Variants in ASTN2 observed in about 807,000 individuals in gnomAD.
ASTN2 encodes the protein astrotactin 2.
In ASTN2, 54 loss-of-function variants were observed where a neutral mutation model predicts 139.8. The ratio of observed to expected loss-of-function variants is 0.39; its 90% CI spans 0.31 to 0.48. The LOEUF is 0.48. Among genes scored for constraint, ASTN2 ranks in the 20% least tolerant of loss-of-function variants. The pLI, the probability that ASTN2 is intolerant of heterozygous loss-of-function variation, is 0.95. For synonymous variants in ASTN2, 756 were observed against 719.5 expected (o/e 1.05, Z -0.81); for missense variants, 1,565 against 1,725.1 (o/e 0.91, Z 1.64).
intron 7 of ASTN2, among the ~76,000 whole-genome samples, chr9:117,004,643 C>G (rs1450147789): frequency 6.6e-6 from 1 of 152,144 alleles, no homozygotes; most frequent in East Asian, 1.9e-4. Flanking sequence ...CTACACTGAG[C>G]ACTGAGACCT....
chr9:116,976,913 G>A (rs778309300), intron 7 of ASTN2, 128 bp from the exon 8 acceptor site: 1 of 728,286 alleles, frequency 1.4e-6, no homozygotes, highest in Non-Finnish European at 2.3e-6. Flanking sequence ...TGGAAAGAGG[G>A]TAATCTTGTC....
chr9:116,437,205 AT>A lies in ASTN2; in HGVS notation c.3782+3403del, dbSNP rs565750874. 2,940 of 389,962 alleles carry A rather than the reference AT, an allele frequency of 7.5e-3. 34 individuals are homozygous for A. The highest frequency in any genetic ancestry group is 0.011 in the Non-Finnish European group (2,152 of 194,000). 24.2% of individuals were successfully genotyped at this position (389,962 alleles called of 1,614,324 possible). A position where few individuals can be genotyped will look rare whatever the true frequency, so the allele number is the denominator to read the frequency against. ...TAAAACTTAAAGTATAATAATAATA[AT>A]AAAAAATACCACTGTTCTAGTTCGT... is the stretch of plus-strand genomic sequence containing the variant. On this transcript the variant is annotated intron_variant, in intron 22 of 22. Coordinates refer to ENST00000313400, the MANE Select transcript of ASTN2 (RefSeq NM_001365068.1).
Position 116,956,434 on chromosome 9 carries a change from T to C in ASTN2, c.1889+18774A>G, listed in dbSNP as rs1835710136. ...AACTCTTGGGGCAGGCCTTTTTTCA[T>C]ATATATTATATATAATATATATGAA... On this transcript the variant is annotated intron_variant, in intron 10 of 22. Transcript: ENST00000313400. Among the ~76,000 whole-genome samples, 4 of 147,794 alleles carry C rather than the reference T, an allele frequency of 2.7e-5. No homozygotes were observed. The South Asian group carries it at 8.4e-4, about 31-fold the overall frequency.
chr9:116,944,740 G>GT (rs1310215365), intron 10 of ASTN2, among the ~76,000 whole-genome samples: 1 of 148,676 alleles, frequency 6.7e-6, no homozygotes, highest in Non-Finnish European at 1.5e-5. Context: ...AGTAGGGTAT[G>GT]TTTGGGAAGC....
At chr9:117,204,595 A>T (rs917396608) in intron 3 of ASTN2, among the ~76,000 whole-genome samples, 4 of 152,184 alleles carry the variant, frequency 2.6e-5, no homozygotes, top group Admixed American at 6.5e-5. Flanking sequence ...CAGCTTTAAG[A>T]GCTGGAAGAG....
chr9:117,399,209 C>T (rs929568200), intron 1 of ASTN2, among the ~76,000 whole-genome samples: 1 of 152,104 alleles, frequency 6.6e-6, no homozygotes, highest in Admixed American at 6.5e-5. Flanking sequence ...GGCCGACATG[C>T]AATCAACAAT....
chr9:116,921,887 G>T (rs1834622870), intron 10 of ASTN2, among the ~76,000 whole-genome samples: 1 of 152,140 alleles, frequency 6.6e-6, no homozygotes, highest in African/African-American at 2.4e-5. Context: ...GACACATGGG[G>T]ATTATGGGAA....
chr9:117,283,638 G>T (rs896167425), intron 2 of ASTN2, among the ~76,000 whole-genome samples: 2 of 152,134 alleles, frequency 1.3e-5, no homozygotes, highest in Non-Finnish European at 2.9e-5. Flanking sequence ...ATAACTATTT[G>T]TGCTGCATGT....
intron 3 of ASTN2, among the ~76,000 whole-genome samples, chr9:117,211,437 C>T (rs1832123654): frequency 6.6e-6 from 1 of 152,146 alleles, no homozygotes. Flanking sequence ...AGTGAGTTCT[C>T]ACGAGATCTG....
At chr9:116,928,942 A>G (rs1588418831) in intron 10 of ASTN2, among the ~76,000 whole-genome samples, 1 of 152,356 alleles carries the variant, frequency 6.6e-6, no homozygotes, top group East Asian at 1.9e-4. Context: ...GAGAGGTGAA[A>G]AAAATCACTT....
chr9:116,861,214 TACACACACACACACACACACACAC>T (rs60909208), intron 11 of ASTN2, among the ~76,000 whole-genome samples: 3 of 143,660 alleles, frequency 2.1e-5, no homozygotes, highest in African/African-American at 2.7e-5. Context: ...AAGCCCAAGC[TACACACACACACACACACACACAC>T]ACACACACAC....
intron 7 of ASTN2, among the ~76,000 whole-genome samples, chr9:116,999,305 A>G (rs985913897): frequency 6.6e-6 from 1 of 152,156 alleles, no homozygotes; most frequent in African/African-American, 2.4e-5. Flanking sequence ...ACACAGGGCA[A>G]TGTGCTTAGC....
intron 19 of ASTN2, among the ~76,000 whole-genome samples, chr9:116,565,525 TC>T (rs1418052300): frequency 6.7e-6 from 1 of 149,418 alleles, no homozygotes; most frequent in Non-Finnish European, 1.5e-5. Flanking sequence ...GTCACACCCT[TC>T]CCTCCACCTG....
intron 10 of ASTN2, among the ~76,000 whole-genome samples, chr9:116,924,611 A>G (rs959861361): frequency 2.6e-5 from 4 of 152,092 alleles, no homozygotes; most frequent in Non-Finnish European, 5.9e-5. Context: ...TCCCCTTTTT[A>G]GACCATATAA....
intron 10 of ASTN2, among the ~76,000 whole-genome samples, chr9:116,898,146 TCTGTAATCC>T (rs1297038317): frequency 1.3e-5 from 2 of 152,008 alleles, no homozygotes; most frequent in African/African-American, 4.8e-5. Flanking sequence ...TTGGCTCGTG[TCTGTAATCC>T]CAGCACTTTG....
intron 4 of ASTN2, among the ~76,000 whole-genome samples, chr9:117,102,554 C>T (rs1829005263): frequency 6.6e-6 from 1 of 152,164 alleles, no homozygotes. Context: ...CAGAGTTTCA[C>T]TCTTGTTACC....
intron 7 of ASTN2, among the ~76,000 whole-genome samples, chr9:116,978,470 ATC>A (rs147901303): frequency 2.0e-3 from 284 of 140,838 alleles, no homozygotes; most frequent in Admixed American, 2.8e-3. Context: ...CTCTGTATGT[ATC>A]TCTCTCTCTC....
At chr9:117,072,820 A>G (rs147004422) in intron 5 of ASTN2, among the ~76,000 whole-genome samples, 4 of 152,178 alleles carry the variant, frequency 2.6e-5, no homozygotes, top group African/African-American at 4.8e-5. Context: ...CAGAACTAAA[A>G]CCTTTGACTT....
chr9:116,718,975 C>CT (rs1564230183), intron 16 of ASTN2, among the ~76,000 whole-genome samples: 1 of 116,574 alleles, frequency 8.6e-6, no homozygotes, highest in Non-Finnish European at 1.7e-5. Context: ...TGTATCTGTA[C>CT]ATATATATAT....
Sources: gnomAD v4.1 joint callset for allele counts (sites outside exome capture counted in the v4.1 genomes callset) on GRCh38, gnomAD v4.1.1 for gene constraint, MANE v1.5 for transcripts, NCBI Gene and HGNC (gene_info 2026-07-23, HGNC 2026-07-21) for gene names.